The following MCPH1 variants were observed in gnomAD, a reference collection of about 807,000 sequenced individuals.
The protein encoded by MCPH1 is microcephalin 1.
A neutral mutation model predicts 84.5 loss-of-function variants in MCPH1; 104 were observed. That is an observed-to-expected ratio of 1.23 (90% confidence interval 1.05 to 1.45). MCPH1 has a LOEUF of 1.45. Ranked by LOEUF, MCPH1 falls within the 40% of genes most tolerant of loss-of-function variation. The pLI is 0.00. For missense variants in MCPH1, 1,498 were observed against 1,005.7 expected, an observed-to-expected ratio of 1.49 and a Z score of -6.62; for synonymous variants, 514 against 366.8, an observed-to-expected ratio of 1.40 and a Z score of -4.58.
At chr8:6,542,236 T>C (rs557245549) in intron 12 of MCPH1, among the ~76,000 whole-genome samples, 8 of 152,198 alleles carry the variant, frequency 5.3e-5, no homozygotes, top group African/African-American at 1.9e-4. Context: ...TAGAATCTTA[T>C]GTATATCTGT....
At chr8:6,493,455 A>G (rs897122303) in intron 11 of MCPH1, among the ~76,000 whole-genome samples, 2 of 152,218 alleles carry the variant, frequency 1.3e-5, no homozygotes, top group African/African-American at 4.8e-5. Flanking sequence ...AATGTCTTCT[A>G]AAAGGGAAAT....
At chr8:6,415,290 A>C (rs1243532134) in intron 3 of MCPH1, among the ~76,000 whole-genome samples, 3 of 16,410 alleles carry the variant, frequency 1.8e-4, no homozygotes, top group Non-Finnish European at 4.8e-4. Flanking sequence ...CAGGGTTGGT[A>C]TCTTCTTTTT....
intron 13 of MCPH1, among the ~76,000 whole-genome samples, chr8:6,628,914 G>T (rs936019052): frequency 6.6e-6 from 1 of 152,228 alleles, no homozygotes; most frequent in South Asian, 2.1e-4. Flanking sequence ...AGATTTTCCT[G>T]TGTCTTTGGA....
chr8:6,486,782 C>A (rs999326467), intron 11 of MCPH1, among the ~76,000 whole-genome samples: 4 of 152,160 alleles, frequency 2.6e-5, no homozygotes, highest in African/African-American at 9.7e-5. Flanking sequence ...AGTAACACAA[C>A]AGAAAAATAA....
chr8:6,445,510 A>G lies in MCPH1; in HGVS notation c.1788A>G (p.Thr596=). The change falls in exon 8 of 14, where the codon ACA becomes ACG. Residue 596 remains threonine (T), a synonymous_variant. Transcript: ENST00000344683. ...TTGACTGTAACATGGAGACGTCTAC[A>G]GAAGAGAAGGAAAACTTACCCGGAG... ...FIVDCNMETS[T]EEKENLPGGY... The G allele has an allele frequency of 6.2e-7, 1 of 1,609,276 alleles. No individual in the cohort carries two copies. Among genetic ancestry groups the G allele is most frequent in the Non-Finnish European group, 8.5e-7 (1 of 1,178,506 alleles).
intron 5 of MCPH1, 45 bp from the exon 6 acceptor site, chr8:6,438,908 G>A: frequency 1.9e-6 from 3 of 1,591,446 alleles, no homozygotes; most frequent in South Asian, 1.1e-5. Context: ...CCTGAAGTAT[G>A]AAGGCACTTT....
chr8:6,634,594 C>T (rs371328365), intron 13 of MCPH1, among the ~76,000 whole-genome samples: 1 of 152,208 alleles, frequency 6.6e-6, no homozygotes, highest in Non-Finnish European at 1.5e-5. Flanking sequence ...AAATTTCTTA[C>T]CAGTCCATTA....
At chr8:6,575,976 G>A (rs374063459) in intron 12 of MCPH1, among the ~76,000 whole-genome samples, 6 of 151,138 alleles carry the variant, frequency 4.0e-5, no homozygotes, top group Admixed American at 6.6e-5. Flanking sequence ...CCAGAACTGC[G>A]AGAGAGTGGA....
chr8:6,515,821 A>G (rs1175690078), intron 12 of MCPH1, among the ~76,000 whole-genome samples: 1 of 152,202 alleles, frequency 6.6e-6, no homozygotes, highest in Non-Finnish European at 1.5e-5. Context: ...TTGGCAGGGT[A>G]AGCTTCAACG....
intron 13 of MCPH1, chr8:6,626,926 A>T: frequency 1.0e-6 from 1 of 984,988 alleles, no homozygotes; most frequent in Non-Finnish European, 1.2e-6. Context: ...CATTCAAGTG[A>T]TAAGACATAC....
At chr8:6,555,797 A>T (rs534491254) in intron 12 of MCPH1, among the ~76,000 whole-genome samples, 2 of 152,354 alleles carry the variant, frequency 1.3e-5, no homozygotes, top group Admixed American at 1.3e-4. Flanking sequence ...GAACGATTAA[A>T]TAGTTGTACC....
Position 6,482,478 on chromosome 8 carries a change from T to C in MCPH1, c.2136+1602T>C, listed in dbSNP as rs182591620. Among the ~76,000 whole-genome samples the C allele has an allele frequency of 9.3e-4, 142 of 152,378 alleles. 1 individual carries two copies. Among genetic ancestry groups the C allele is most frequent in the African/African-American group, 3.3e-3 (138 of 41,582 alleles). On this transcript the variant is annotated intron_variant, in intron 11 of 13. Transcript: ENST00000344683. The stretch of plus-strand genomic sequence containing the variant: ...GCATCAGTGAATGAGTTCTGTGTTT[T>C]ATTTCTCTCCAATTCAAATCGTCTC...
chr8:6,563,274 T>C (rs1825828609), intron 12 of MCPH1: 1 of 183,310 alleles, frequency 5.5e-6, no homozygotes. Context: ...CCTTTCCTTA[T>C]ATGATAAGTT....
At chr8:6,612,593 C>T (rs1416625237) in intron 12 of MCPH1, among the ~76,000 whole-genome samples, 1 of 152,342 alleles carries the variant, frequency 6.6e-6, no homozygotes, top group East Asian at 1.9e-4. Flanking sequence ...CCACTGCGTC[C>T]GGCACCGCTG....
intron 12 of MCPH1, 40 bp downstream of exon 12, chr8:6,499,969 C>G (rs1811834130): frequency 6.5e-7 from 1 of 1,545,054 alleles, no homozygotes; most frequent in Non-Finnish European, 8.9e-7. Context: ...ATGCAGTTTG[C>G]TGTTCTCAAG....
At chr8:6,642,609 T>A (rs1267357933) in intron 13 of MCPH1, 1 of 354,710 alleles carries the variant, frequency 2.8e-6, no homozygotes, top group East Asian at 6.8e-5. Context: ...TATTTACTTA[T>A]ACTCTGCCTT....
At position 6,621,571 on chromosome 8, in the gene MCPH1, C is replaced by G. The variant is rs75204744; in HGVS notation, c.2332C>G (p.Leu778Val). Residue 778 changes from leucine (L) to valine (V), a missense_variant, in exon 13 of 14, where the codon CTA (leucine) becomes GTA (valine). By Grantham distance (32) the Leu-to-Val change is conservative. Coordinates refer to ENST00000344683, the MANE Select transcript of MCPH1 (RefSeq NM_024596.5). ...CCCCCCAGTGGCCAAGCTCTGTGAA[C>G]TAGTCCACCTGTGCGGAGGCCGGGT... Reference protein sequence around the residue: ...SSPPVAKLCELVHLCGGRVSQ... With the variant: ...SSPPVAKLCEVVHLCGGRVSQ... 1.9e-6 allele frequency: 3 copies of G among 1,614,246 alleles called. No homozygotes were observed. Among genetic ancestry groups the G allele is most frequent in the South Asian group, 1.1e-5 (1 of 91,092 alleles).
intron 9 of MCPH1, among the ~76,000 whole-genome samples, chr8:6,476,625 A>T (rs1808494306): frequency 6.6e-6 from 1 of 152,146 alleles, no homozygotes; most frequent in Non-Finnish European, 1.5e-5. Context: ...CAGAGACAAG[A>T]TCTCTATAAA....
intron 12 of MCPH1, among the ~76,000 whole-genome samples, chr8:6,546,347 C>T (rs1822572897): frequency 1.3e-5 from 2 of 152,274 alleles, no homozygotes; most frequent in Admixed American, 6.5e-5. Context: ...TCAGCTTGTA[C>T]CTCTGTAAAG....
Sources: allele counts gnomAD v4.1 joint callset (sites outside exome capture counted in the v4.1 genomes callset), GRCh38; gene constraint gnomAD v4.1.1; transcripts MANE v1.5; gene names NCBI Gene and HGNC (gene_info 2026-07-23, HGNC 2026-07-21).